The following PLXNC1 variants were observed in gnomAD, a reference collection of about 807,000 sequenced individuals.
The protein encoded by PLXNC1 is plexin-C1.
Under a neutral mutation model 178.2 loss-of-function variants are expected in PLXNC1, and 75 were observed. The observed-to-expected ratio is 0.42, with a 90% confidence interval of 0.35 to 0.51. PLXNC1 has a LOEUF of 0.51. Ranked by LOEUF, PLXNC1 falls within the 20% of genes least tolerant of loss-of-function variation. The probability of loss-of-function intolerance (pLI) is 0.02; values close to 1 mark genes in which losing one functional copy is unlikely to be tolerated. For missense variants in PLXNC1, 1,503 were observed against 1,984.4 expected (o/e 0.76, Z 4.61); for synonymous variants, 790 against 779.9 (o/e 1.01, Z -0.22).
At position 94,306,458 on chromosome 12, in the gene PLXNC1, C is replaced by A. The variant is rs150903094; in HGVS notation, c.*1173C>A. 26 of 152,220 alleles carry A rather than the reference C, an allele frequency of 1.7e-4. No individual in the cohort carries two copies. The highest frequency in any genetic ancestry group is 6.8e-3 in the Middle Eastern group (2 of 294). The allele number at this position is 152,220 out of a possible 1,614,324, so 9.4% of individuals were successfully genotyped here. A position where few individuals can be genotyped will look rare whatever the true frequency, so the allele number is the denominator to read the frequency against. Reference sequence around the variant, plus strand: ...ATTCTCTATCCAGTTATACTGTAGTCTTTTTAGTGCTGATTTTTTAATTCC... The same window carrying A: ...ATTCTCTATCCAGTTATACTGTAGTATTTTTAGTGCTGATTTTTTAATTCC... On this transcript the variant is annotated 3_prime_UTR_variant, in exon 31 of 31. Transcript: ENST00000258526.
chr12:94,304,824 G>GTCCC (rs1968836749), intron 30 of PLXNC1, among the ~76,000 whole-genome samples: 1 of 152,202 alleles, frequency 6.6e-6, no homozygotes, highest in South Asian at 2.1e-4. Context: ...TGACCAGGAT[G>GTCCC]TCCCTGCCTG....
At chr12:94,196,476 C>G (rs1231311750) in intron 4 of PLXNC1, among the ~76,000 whole-genome samples, 1 of 152,172 alleles carries the variant, frequency 6.6e-6, no homozygotes, top group Non-Finnish European at 1.5e-5. Context: ...TTCCTGAGCC[C>G]CTCACCAGGA....
intron 23 of PLXNC1, 45 bp downstream of exon 23, chr12:94,282,446 C>T (rs745847963): frequency 3.0e-5 from 38 of 1,246,122 alleles, no homozygotes; most frequent in Admixed American, 5.3e-5. Flanking sequence ...CATCCCCAAT[C>T]CTAGTCCCAT....
chr12:94,199,179 T>C (rs1332790737), intron 4 of PLXNC1, among the ~76,000 whole-genome samples: 3 of 152,216 alleles, frequency 2.0e-5, no homozygotes, highest in African/African-American at 7.2e-5. Flanking sequence ...GTTTTGGGGC[T>C]ATCCGCCTTC....
At chr12:94,195,962 T>C (rs1962898715) in intron 4 of PLXNC1, among the ~76,000 whole-genome samples, 1 of 152,254 alleles carries the variant, frequency 6.6e-6, no homozygotes, top group South Asian at 2.1e-4. Flanking sequence ...AGCTCCTTTT[T>C]TTATCTTGCT....
At chr12:94,262,020 TA>T (rs1565836624) in intron 20 of PLXNC1, among the ~76,000 whole-genome samples, 1 of 152,216 alleles carries the variant, frequency 6.6e-6, no homozygotes, top group East Asian at 1.9e-4. Context: ...CTGGGACGAA[TA>T]TTTTTTTGTT....
chr12:94,304,802 AG>A (rs1245590115), intron 30 of PLXNC1, among the ~76,000 whole-genome samples: 1 of 152,200 alleles, frequency 6.6e-6, no homozygotes. Flanking sequence ...AGGGAAGGGA[AG>A]GATCTGTCTC....
Position 94,305,362 on chromosome 12 carries a change from T to C in PLXNC1, c.*77T>C. 1 of 799,106 alleles carries C rather than the reference T, an allele frequency of 1.3e-6. No individual in the cohort carries two copies. Among genetic ancestry groups the C allele is most frequent in the Non-Finnish European group, 2.1e-6 (1 of 478,602 alleles). 49.5% of individuals were successfully genotyped at this position (799,106 alleles called of 1,614,324 possible). On this transcript the variant is annotated 3_prime_UTR_variant, in exon 31 of 31. Coordinates refer to ENST00000258526, the MANE Select transcript of PLXNC1 (RefSeq NM_005761.3). ...CAAAATGGCTGCTTGAGCTACTCTG[T>C]GTCGTTAATTTGTTGTTTGCACATA...
rs145953848 is a variant in PLXNC1 at position 94,225,166 on chromosome 12, A to G, written c.1790+851A>G. Among the ~76,000 whole-genome samples, 407 of 152,336 alleles carry G rather than the reference A, an allele frequency of 2.7e-3. 1 individual carries two copies. The highest frequency in any genetic ancestry group is 8.0e-3 in the African/African-American group (331 of 41,578). ...AGAGGACAGAGGAAATATGTTTCTC[A>G]GATGCCTGACTTGCCAATTGGAAGT... On this transcript the variant is annotated intron_variant, in intron 7 of 30. Coordinates refer to ENST00000258526, the MANE Select transcript of PLXNC1 (RefSeq NM_005761.3).
At chr12:94,192,210 T>A (rs1962751873) in intron 4 of PLXNC1, among the ~76,000 whole-genome samples, 1 of 152,180 alleles carries the variant, frequency 6.6e-6, no homozygotes, top group Non-Finnish European at 1.5e-5. Flanking sequence ...GGGCATGAGA[T>A]AGCTAGGTAG....
chr12:94,213,899 C>T (rs1377121444), intron 5 of PLXNC1, among the ~76,000 whole-genome samples: 2 of 147,226 alleles, frequency 1.4e-5, no homozygotes, highest in Non-Finnish European at 3.0e-5. Context: ...TGGAGTCTTG[C>T]TCTGTCACCC....
At chr12:94,258,187 C>T (rs1297542798) in intron 17 of PLXNC1, among the ~76,000 whole-genome samples, 1 of 152,154 alleles carries the variant, frequency 6.6e-6, no homozygotes, top group Non-Finnish European at 1.5e-5. Context: ...TCCGTATTTA[C>T]GATTAAGAAT....
At chr12:94,156,699 ACTTT>A (rs1478760830) in intron 1 of PLXNC1, among the ~76,000 whole-genome samples, 4 of 147,528 alleles carry the variant, frequency 2.7e-5, no homozygotes, top group Non-Finnish European at 4.5e-5. Flanking sequence ...GACACTGGAA[ACTTT>A]CTTTCTTTTT....
chr12:94,273,143 A>T (rs1965685776), intron 21 of PLXNC1, among the ~76,000 whole-genome samples: 1 of 152,372 alleles, frequency 6.6e-6, no homozygotes, highest in South Asian at 2.1e-4. Context: ...GGATTGAATG[A>T]ACCTATAATT....
intron 1 of PLXNC1, 100 bp from the exon 2 acceptor site, chr12:94,169,053 T>A (rs564620825): frequency 1.9e-4 from 207 of 1,081,610 alleles, no homozygotes; most frequent in Non-Finnish European, 2.5e-4. Flanking sequence ...AGAAGTGAGA[T>A]CCTGCCTAGG....
At chr12:94,234,490 A>G (rs920880309) in intron 9 of PLXNC1, among the ~76,000 whole-genome samples, 4 of 152,372 alleles carry the variant, frequency 2.6e-5, no homozygotes, top group African/African-American at 9.6e-5. Context: ...GCCAGAGCTC[A>G]TAGTAGTTTA....
intron 21 of PLXNC1, among the ~76,000 whole-genome samples, chr12:94,271,674 G>A (rs1032918683): frequency 6.6e-6 from 1 of 152,208 alleles, no homozygotes; most frequent in African/African-American, 2.4e-5. Context: ...TATTTGTGGT[G>A]AGGTCAGAAA....
chr12:94,190,790 C>T (rs1962691838), intron 4 of PLXNC1, among the ~76,000 whole-genome samples: 1 of 152,206 alleles, frequency 6.6e-6, no homozygotes, highest in Admixed American at 6.5e-5. Context: ...CCCAGACATC[C>T]TGATTTAAGA....
intron 4 of PLXNC1, among the ~76,000 whole-genome samples, chr12:94,195,379 A>T (rs1168925469): frequency 6.6e-6 from 1 of 151,742 alleles, no homozygotes; most frequent in Non-Finnish European, 1.5e-5. Context: ...GTACCTCCCC[A>T]CTGGGAGAGG....
Sources: allele counts gnomAD v4.1 joint callset (sites outside exome capture counted in the v4.1 genomes callset), GRCh38; gene constraint gnomAD v4.1.1; transcripts MANE v1.5; gene names NCBI Gene and HGNC (gene_info 2026-07-23, HGNC 2026-07-21).